Variants in SENP6 observed in about 807,000 individuals in gnomAD.
SENP6 encodes the protein SUMO specific peptidase 6.
A neutral mutation model predicts 134.5 loss-of-function variants in SENP6; 41 were observed. The ratio of observed to expected loss-of-function variants is 0.30; its 90% CI spans 0.24 to 0.40. The LOEUF (loss-of-function observed/expected upper bound fraction) is 0.40, where lower values mean the gene tolerates loss of function less well. SENP6 is among the 10% of genes least tolerant of loss of function. The pLI is 1.00. For missense variants in SENP6, 1,248 were observed against 1,312.5 expected, an observed-to-expected ratio of 0.95 and a Z score of 0.76; for synonymous variants, 395 against 429.8, an observed-to-expected ratio of 0.92 and a Z score of 1.00.
At chr6:75,658,759 A>G (rs953281050) in intron 7 of SENP6, among the ~76,000 whole-genome samples, 2 of 151,728 alleles carry the variant, frequency 1.3e-5, no homozygotes, top group Admixed American at 1.3e-4. Flanking sequence ...AGTGACTTGG[A>G]AAAAAAGAAG....
chr6:75,649,479 T>G (rs765236611), intron 7 of SENP6, among the ~76,000 whole-genome samples: 1 of 152,166 alleles, frequency 6.6e-6, no homozygotes, highest in Non-Finnish European at 1.5e-5. Context: ...AAGAGCATGC[T>G]TATTTACTGT....
chr6:75,679,931 A>G (rs1173610039), intron 16 of SENP6: 1 of 152,206 alleles, frequency 6.6e-6, no homozygotes, highest in African/African-American at 2.4e-5. Context: ...TGGTGGGAAA[A>G]CACATTGTTA....
intron 1 of SENP6, chr6:75,610,999 G>C (rs766130219): frequency 8.0e-6 from 1 of 124,984 alleles, no homozygotes; most frequent in Non-Finnish European, 1.8e-5. Flanking sequence ...TGGACGACGA[G>C]GAACTAGAAA....
At position 75,716,194 on chromosome 6, in the gene SENP6, A is replaced by G. The variant is rs1162941927; in HGVS notation, c.*600A>G. 1 of 152,012 alleles carries G rather than the reference A, an allele frequency of 6.6e-6. No homozygotes were observed. The highest frequency in any genetic ancestry group is 1.5e-5 in the Non-Finnish European group (1 of 67,868). The allele number at this position is 152,012 out of a possible 1,614,324, so 9.4% of individuals were successfully genotyped here. A position where few individuals can be genotyped will look rare whatever the true frequency, so the allele number is the denominator to read the frequency against. ...TTGTAATTTTACACAAATATTTAAGAGGAAAGAGTATTAAGAGCAATTCAA... is the reference window on the plus strand; with the variant it reads ...TTGTAATTTTACACAAATATTTAAGGGGAAAGAGTATTAAGAGCAATTCAA... On this transcript the variant is annotated 3_prime_UTR_variant, in exon 24 of 24. Transcript: ENST00000447266.
At chr6:75,701,833 T>A (rs1775055031) in intron 18 of SENP6, among the ~76,000 whole-genome samples, 1 of 151,848 alleles carries the variant, frequency 6.6e-6, no homozygotes, top group South Asian at 2.1e-4. Context: ...AGAGACGGGG[T>A]TTCACTGTGT....
chr6:75,661,919 G>T (rs1174050797), intron 8 of SENP6, among the ~76,000 whole-genome samples: 2 of 152,180 alleles, frequency 1.3e-5, no homozygotes, highest in Non-Finnish European at 2.9e-5. Flanking sequence ...GAGCATGGTG[G>T]TGGGCACCTG....
In SENP6 at chr6:75,622,662, A is replaced by G. The variant is rs143601514; in HGVS notation, c.146+1037A>G. On this transcript the variant is annotated intron_variant, in intron 2 of 23. Transcript: ENST00000447266. ...ACAACAAATTCAGAGATCCACAAAT[A>G]TACACACAAAGTTCTACCAAAACTA... The G allele has an allele frequency of 2.3e-3, 1,289 of 549,922 alleles. 12 individuals carry two copies. The African/African-American group carries it at 0.024, about 10-fold the overall frequency. 34.1% of individuals were successfully genotyped at this position (549,922 alleles called of 1,614,324 possible). A position where few individuals can be genotyped will look rare whatever the true frequency, so the allele number is the denominator to read the frequency against.
At chr6:75,694,414 TAAAC>T (rs992352099) in intron 16 of SENP6, among the ~76,000 whole-genome samples, 7 of 152,202 alleles carry the variant, frequency 4.6e-5, no homozygotes, top group African/African-American at 1.2e-4. Flanking sequence ...TAAAATGAAA[TAAAC>T]AATACATAAT....
Position 75,623,923 on chromosome 6 carries a change from A to G in SENP6, c.170A>G (p.Asp57Gly), listed in dbSNP as rs780439657. The G allele has an allele frequency of 2.5e-6, 4 of 1,609,070 alleles. No individual in the cohort carries two copies. Among genetic ancestry groups the G allele is most frequent in the Non-Finnish European group, 3.4e-6 (4 of 1,177,272 alleles). Residue 57 changes from aspartate to glycine, a missense_variant, in exon 3 of 24, where the codon GAT becomes GGT. Around this residue, in one of 3 missense-constraint regions of SENP6, gnomAD observed 733 missense variants for 725.4 expected, o/e 1.01. Coordinates refer to ENST00000447266, the MANE Select transcript of SENP6 (RefSeq NM_015571.4). ...AGTGGGACAAATCTGCTCAGTGTGG[A>G]TGAAGATGAGGATTCTGAAACCTCA... ...DKDGTNLLSV[D>G]EDEDSETSKG... is the part of the protein sequence containing the mutation.
chr6:75,670,534 A>G lies in SENP6; in HGVS notation c.1225-19A>G, dbSNP rs771980616. On this transcript the variant is annotated intron_variant, in intron 10 of 23. Transcript: ENST00000447266. ...TATTTTAGTAAATTATTAAGTGAACATTTTCTTTTCCTTTTTAGTTTGGCA... is the reference window on the plus strand; with the variant it reads ...TATTTTAGTAAATTATTAAGTGAACGTTTTCTTTTCCTTTTTAGTTTGGCA... 7 of 1,572,746 alleles carry G rather than the reference A, an allele frequency of 4.5e-6. No individual in the cohort carries two copies. The highest frequency in any genetic ancestry group is 6.1e-6 in the Non-Finnish European group (7 of 1,152,638).
intron 8 of SENP6, among the ~76,000 whole-genome samples, chr6:75,662,158 T>C (rs904430150): frequency 6.6e-6 from 1 of 152,248 alleles, no homozygotes; most frequent in African/African-American, 2.4e-5. Flanking sequence ...GACAGACTTA[T>C]TAAGTGCAGT....
intron 7 of SENP6, among the ~76,000 whole-genome samples, chr6:75,658,973 C>CA (rs1412151177): frequency 0.03 from 840 of 28,444 alleles, 67 homozygotes; most frequent in African/African-American, 0.053. Flanking sequence ...CCTTGTCTCC[C>CA]CAAAAAAAAA....
intron 10 of SENP6, among the ~76,000 whole-genome samples, chr6:75,669,235 C>T (rs1279521857): frequency 6.6e-6 from 1 of 152,000 alleles, no homozygotes; most frequent in Non-Finnish European, 1.5e-5. Flanking sequence ...GCCTATAATC[C>T]CAGCTACTTG....
intron 16 of SENP6, among the ~76,000 whole-genome samples, chr6:75,693,837 C>A (rs1387539492): frequency 3.9e-5 from 6 of 152,142 alleles, no homozygotes; most frequent in Non-Finnish European, 8.8e-5. Context: ...CTTGAACTTG[C>A]ATAAGTCCTA....
chr6:75,714,942 A>G (rs376506154), intron 23 of SENP6, among the ~76,000 whole-genome samples: 8 of 152,280 alleles, frequency 5.3e-5, no homozygotes, highest in African/African-American at 1.4e-4. Context: ...AATACTTGCC[A>G]TATTTCTTGT....
At chr6:75,622,909 C>CT in intron 2 of SENP6, 1 of 816,850 alleles carries the variant, frequency 1.2e-6, no homozygotes, top group Non-Finnish European at 1.7e-6. Context: ...TCTTTCATTT[C>CT]TTTTATACTT....
chr6:75,696,045 C>T (rs533028744), intron 17 of SENP6, 122 bp downstream of exon 17: 1 of 875,268 alleles, frequency 1.1e-6, no homozygotes, highest in African/African-American at 1.7e-5. Context: ...TTTAAATTCT[C>T]CAGCCAGGAA....
At chr6:75,656,707 A>T (rs769572345) in intron 7 of SENP6, among the ~76,000 whole-genome samples, 1 of 152,184 alleles carries the variant, frequency 6.6e-6, no homozygotes, top group Admixed American at 6.5e-5. Context: ...AACACTATCA[A>T]TCATTTACCA....
At chr6:75,698,117 T>C (rs1774778224) in intron 18 of SENP6, 1 of 152,256 alleles carries the variant, frequency 6.6e-6, no homozygotes. Context: ...AGAAATACAC[T>C]TGTAGTCGGA....
Sources: allele counts gnomAD v4.1 joint callset (sites outside exome capture counted in the v4.1 genomes callset), GRCh38; gene constraint gnomAD v4.1.1; regional missense constraint gnomAD v4.1.1; transcripts MANE v1.5; gene names NCBI Gene and HGNC (gene_info 2026-07-23, HGNC 2026-07-21).